The following ZBTB7C variants were observed in gnomAD, a reference collection of about 807,000 sequenced individuals.
ZBTB7C encodes zinc finger and BTB domain containing 7C.
Under a neutral mutation model 25.7 loss-of-function variants are expected in ZBTB7C, and 8 were observed. The observed-to-expected ratio is 0.31, with a 90% CI of 0.18 to 0.56. The LOEUF is 0.56. Ranked by LOEUF, ZBTB7C falls within the 20% of genes least tolerant of loss-of-function variation. The pLI is 0.91. For synonymous variants in ZBTB7C, 394 were observed against 369.0 expected (o/e 1.07, Z -0.78); for missense variants, 824 against 855.2 (o/e 0.96, Z 0.46).
intron 3 of ZBTB7C, among the ~76,000 whole-genome samples, chr18:48,140,887 G>A (rs1239682481): frequency 6.6e-6 from 1 of 151,998 alleles, no homozygotes; most frequent in African/African-American, 2.4e-5. Flanking sequence ...TGCCACTGCT[G>A]CCCTTGGCGG....
Position 48,097,804 on chromosome 18 carries a change from A to G in ZBTB7C, c.-16-56681T>C, listed in dbSNP as rs1054505745. ...TTTTCTGCTTTTAAGACCTGTAACA[A>G]ACCTTTGTATCCTCATAATAAATGG... is the stretch of plus-strand genomic sequence containing the variant. On this transcript the variant is annotated intron_variant, in intron 3 of 4. Coordinates refer to ENST00000590800, the MANE Select transcript of ZBTB7C (RefSeq NM_001318841.2). Among the ~76,000 whole-genome samples, 3 of 152,016 alleles carry G rather than the reference A, an allele frequency of 2.0e-5. No individual in the cohort carries two copies. In the East Asian group the frequency reaches 5.8e-4, roughly 29 times the overall value.
chr18:48,268,878 T>C (rs1340424139), intron 2 of ZBTB7C, among the ~76,000 whole-genome samples: 1 of 152,210 alleles, frequency 6.6e-6, no homozygotes, highest in African/African-American at 2.4e-5. Context: ...CTGAAATTTA[T>C]TGCTCACAGT....
At chr18:48,276,272 C>G (rs1309866758) in intron 2 of ZBTB7C, among the ~76,000 whole-genome samples, 1 of 137,666 alleles carries the variant, frequency 7.3e-6, no homozygotes, top group Non-Finnish European at 1.6e-5. Context: ...TAAGCTTTCT[C>G]TCTTTTTTTT....
At chr18:48,299,207 A>G (rs9966460) in intron 2 of ZBTB7C, among the ~76,000 whole-genome samples, 32,670 of 152,056 alleles carry the variant, frequency 0.21, 3,695 homozygotes, top group Non-Finnish European at 0.24. Flanking sequence ...TCTGGGAGCT[A>G]TGACTCTTTC....
At chr18:48,176,155 C>G (rs1013278442) in intron 3 of ZBTB7C, among the ~76,000 whole-genome samples, 13 of 152,198 alleles carry the variant, frequency 8.5e-5, no homozygotes, top group African/African-American at 2.9e-4. Flanking sequence ...ATGAGGGCCT[C>G]CTGATGATGC....
intron 2 of ZBTB7C, among the ~76,000 whole-genome samples, chr18:48,243,270 C>CACAA (rs2043581243): frequency 1.1e-5 from 1 of 88,306 alleles, no homozygotes; most frequent in African/African-American, 4.5e-5. Flanking sequence ...TACCCCCCCA[C>CACAA]AAAAAAAAAA....
At chr18:48,193,595 G>A (rs1322151603) in intron 2 of ZBTB7C, among the ~76,000 whole-genome samples, 5 of 152,222 alleles carry the variant, frequency 3.3e-5, no homozygotes, top group African/African-American at 1.2e-4. Flanking sequence ...GTTTGTTAAT[G>A]GGGGCACTTG....
At position 48,040,681 on chromosome 18, in the gene ZBTB7C, C is replaced by T. The variant is rs779151133; in HGVS notation, c.427G>A (p.Asp143Asn). The T allele has an allele frequency of 6.2e-7, 1 of 1,613,898 alleles. No homozygotes were observed. The highest frequency in any genetic ancestry group is 8.5e-7 in the Non-Finnish European group (1 of 1,179,890). ...GGEEDDKEDD[D>N]DDEDDDDEED... ...TCATCATCATCATCTTCGTCGTCGT[C>T]ATCGTCCTCCTTGTCATCCTCCTCC... Residue 143 changes from aspartate (D) to asparagine (N), a missense_variant, in exon 4 of 5, where the codon GAC (aspartate) becomes AAC (asparagine). Physicochemically the swap from Asp to Asn is conservative, Grantham distance 23 (BLOSUM62 1). This residue lies in a region of ZBTB7C where 316 missense variants were observed against 299.2 expected (regional missense o/e 1.06). Coordinates refer to ENST00000590800, the MANE Select transcript of ZBTB7C (RefSeq NM_001318841.2).
In ZBTB7C at chr18:48,209,754, C is replaced by T. The variant is rs993838153; in HGVS notation, c.-78-23759G>A. ...TGGGCAACAGAACAAGATCTTGTCT[C>T]TTAAAAAAAAAAAAAATCCAAGTCA... On this transcript the variant is annotated intron_variant, in intron 2 of 4. Coordinates refer to ENST00000590800, the MANE Select transcript of ZBTB7C (RefSeq NM_001318841.2). 8.3e-5 allele frequency among the ~76,000 whole-genome samples: 12 copies of T among 144,894 alleles called. No individual in the cohort carries two copies. The South Asian group carries it at 2.6e-3, about 32-fold the overall frequency.
chr18:48,178,171 A>G (rs754116824), intron 3 of ZBTB7C, among the ~76,000 whole-genome samples: 3 of 152,118 alleles, frequency 2.0e-5, no homozygotes, highest in Non-Finnish European at 2.9e-5. Flanking sequence ...TTGTCTATGA[A>G]CTGAAGTTTG....
At chr18:48,350,764 T>C (rs10401070) in intron 1 of ZBTB7C, among the ~76,000 whole-genome samples, 90,370 of 152,008 alleles carry the variant, frequency 0.59, 27,496 homozygotes, top group East Asian at 0.95. Flanking sequence ...AATAGCAGTA[T>C]GTATAATTTT....
At chr18:48,269,310 T>C (rs1056209659) in intron 2 of ZBTB7C, among the ~76,000 whole-genome samples, 4 of 152,150 alleles carry the variant, frequency 2.6e-5, no homozygotes, top group Non-Finnish European at 1.5e-5. Context: ...CTCACATCAC[T>C]GAAGGAGGTA....
intron 1 of ZBTB7C, among the ~76,000 whole-genome samples, chr18:48,386,424 C>CG (rs374937546): frequency 0.29 from 43,716 of 152,158 alleles, 7,559 homozygotes; most frequent in East Asian, 0.72. Context: ...AAGTACAGTG[C>CG]TTACCCTAGA....
intron 2 of ZBTB7C, among the ~76,000 whole-genome samples, chr18:48,190,498 T>A (rs1026287877): frequency 6.6e-6 from 1 of 152,068 alleles, no homozygotes; most frequent in African/African-American, 2.4e-5. Context: ...CTTAGTGTCA[T>A]CCAGCTAGCA....
chr18:48,149,784 C>T (rs12606239), intron 3 of ZBTB7C: 68,041 of 149,906 alleles, frequency 0.45, 16,419 homozygotes, highest in Middle Eastern at 0.59. Flanking sequence ...TTGCATGCAT[C>T]ATTTCTTTCT....
At chr18:48,061,397 C>G (rs774955760) in intron 3 of ZBTB7C, among the ~76,000 whole-genome samples, 1 of 152,126 alleles carries the variant, frequency 6.6e-6, no homozygotes, top group African/African-American at 2.4e-5. Flanking sequence ...CCTCGTCTTT[C>G]CTTTGTAAGG....
intron 3 of ZBTB7C, among the ~76,000 whole-genome samples, chr18:48,089,486 A>C (rs2038327093): frequency 6.6e-6 from 1 of 151,710 alleles, no homozygotes; most frequent in Admixed American, 6.6e-5. Context: ...CTCGAAAAAA[A>C]AAAAAAAAAG....
chr18:48,298,361 T>G (rs2045455623), intron 2 of ZBTB7C, among the ~76,000 whole-genome samples: 1 of 151,872 alleles, frequency 6.6e-6, no homozygotes, highest in Non-Finnish European at 1.5e-5. Flanking sequence ...TCCTTCCCTT[T>G]GAGGGCACAG....
intron 3 of ZBTB7C, among the ~76,000 whole-genome samples, chr18:48,163,837 A>G (rs1004146083): frequency 6.6e-6 from 1 of 152,206 alleles, no homozygotes; most frequent in East Asian, 1.9e-4. Flanking sequence ...ACTACCAGAT[A>G]AGAAAGTGCT....
Sources: allele counts gnomAD v4.1 joint callset (sites outside exome capture counted in the v4.1 genomes callset), GRCh38; gene constraint gnomAD v4.1.1; regional missense constraint gnomAD v4.1.1; transcripts MANE v1.5; gene names NCBI Gene and HGNC (gene_info 2026-07-23, HGNC 2026-07-21).